The following GNPTAB variants were observed in gnomAD, a reference collection of about 807,000 sequenced individuals.
The protein encoded by GNPTAB is N-acetylglucosamine-1-phosphate transferase subunits alpha and beta, also known as N-acetylglucosamine-1-phosphotransferase subunits alpha/beta.
GNPTAB carries 92 observed loss-of-function variants against 136.6 expected under a neutral mutation model. That is an observed-to-expected ratio of 0.67 (90% CI 0.57 to 0.80). The LOEUF is 0.80. Ranked by LOEUF, GNPTAB falls within the 30% of genes least tolerant of loss-of-function variation. The pLI is 0.00. For missense variants in GNPTAB, 1,343 were observed against 1,501.8 expected, an observed-to-expected ratio of 0.89 and a Z score of 1.75; for synonymous variants, 512 against 535.1, an observed-to-expected ratio of 0.96 and a Z score of 0.60.
At chr12:101,817,354 A>G (rs1870561732) in intron 1 of GNPTAB, among the ~76,000 whole-genome samples, 1 of 148,726 alleles carries the variant, frequency 6.7e-6, no homozygotes, top group African/African-American at 2.5e-5. Flanking sequence ...TGTAGCCTCA[A>G]TCTCCTGGGC....
At chr12:101,792,711 G>T in intron 2 of GNPTAB, among the ~76,000 whole-genome samples, 1 of 152,118 alleles carries the variant, frequency 6.6e-6, no homozygotes, top group East Asian at 1.9e-4. Context: ...TGAACTGTAA[G>T]GAATCCTGAT....
intron 7 of GNPTAB, among the ~76,000 whole-genome samples, chr12:101,777,555 G>A (rs1218979087): frequency 3.3e-5 from 5 of 152,138 alleles, no homozygotes; most frequent in Admixed American, 2.0e-4. Flanking sequence ...TGGGAGAATG[G>A]CTGCTCTGTT....
Position 101,745,709 on chromosome 12 carries a change from G to T in GNPTAB, c.*1455C>A, listed in dbSNP as rs1478780533. On this transcript the variant is annotated 3_prime_UTR_variant, in exon 21 of 21. Transcript: ENST00000299314. ...CCATTGTATTATGACATAAAATATG[G>T]CTAGACGCCAAGGTTTAACCATACA... 1 of 152,112 alleles carries T rather than the reference G, an allele frequency of 6.6e-6. No individual in the cohort carries two copies. The highest frequency in any genetic ancestry group is 1.5e-5 in the Non-Finnish European group (1 of 68,016). 9.4% of individuals were successfully genotyped at this position (152,112 alleles called of 1,614,324 possible). A position where few individuals can be genotyped will look rare whatever the true frequency, so the allele number is the denominator to read the frequency against.
At chr12:101,763,503 C>T (rs1262555876) in intron 13 of GNPTAB, among the ~76,000 whole-genome samples, 6 of 152,106 alleles carry the variant, frequency 3.9e-5, no homozygotes, top group Non-Finnish European at 8.8e-5. Flanking sequence ...GTCCACAGGG[C>T]ACTTCCTTCT....
chr12:101,761,522 T>G lies in GNPTAB; in HGVS notation c.2915+42A>C, dbSNP rs768192010. On this transcript the variant is annotated intron_variant, in intron 14 of 20. Transcript: ENST00000299314. ...ATATGCACATTTCAAGTAGCCTTAG[T>G]TCTGAACACAAGCAAACAACTCAAA... 2.5e-6 allele frequency: 4 copies of G among 1,571,950 alleles called. No homozygotes were observed. In the East Asian group the frequency reaches 8.9e-5, roughly 35 times the overall value.
At chr12:101,798,482 G>A (rs1223512031) in intron 1 of GNPTAB, among the ~76,000 whole-genome samples, 4 of 152,136 alleles carry the variant, frequency 2.6e-5, no homozygotes, top group Non-Finnish European at 5.9e-5. Flanking sequence ...GAGACATCAT[G>A]GAAGCTGCAC....
intron 1 of GNPTAB, among the ~76,000 whole-genome samples, chr12:101,828,872 G>A (rs1039915499): frequency 6.6e-6 from 1 of 152,204 alleles, no homozygotes; most frequent in Non-Finnish European, 1.5e-5. Context: ...GTTAACATAT[G>A]TAAAGCAATT....
intron 19 of GNPTAB, among the ~76,000 whole-genome samples, chr12:101,750,495 C>G (rs1416510129): frequency 6.6e-6 from 1 of 152,242 alleles, no homozygotes; most frequent in Non-Finnish European, 1.5e-5. Flanking sequence ...ACTGCAAGAG[C>G]ACCCACACCT....
chr12:101,811,377 T>C (rs1033897924), intron 1 of GNPTAB, among the ~76,000 whole-genome samples: 4 of 87,218 alleles, frequency 4.6e-5, no homozygotes, highest in African/African-American at 3.0e-4. Context: ...TTTCACATAA[T>C]TTTTTCTTTT....
chr12:101,793,007 C>A (rs1476308056), intron 2 of GNPTAB, among the ~76,000 whole-genome samples: 1 of 152,148 alleles, frequency 6.6e-6, no homozygotes, highest in African/African-American at 2.4e-5. Flanking sequence ...ACTTTGGGAA[C>A]CACTGATTTA....
intron 1 of GNPTAB, among the ~76,000 whole-genome samples, chr12:101,822,821 G>C (rs1443691462): frequency 6.6e-6 from 1 of 152,192 alleles, no homozygotes; most frequent in Non-Finnish European, 1.5e-5. Flanking sequence ...ACAATACAAA[G>C]AGCCAGTGGA....
intron 1 of GNPTAB, among the ~76,000 whole-genome samples, chr12:101,821,277 G>T (rs1380452936): frequency 6.6e-6 from 1 of 152,176 alleles, no homozygotes; most frequent in Non-Finnish European, 1.5e-5. Context: ...ATCCCCAGGG[G>T]CCTGGTACAG....
intron 16 of GNPTAB, among the ~76,000 whole-genome samples, chr12:101,758,675 C>T (rs1035452499): frequency 2.0e-5 from 3 of 152,254 alleles, no homozygotes; most frequent in African/African-American, 7.2e-5. Flanking sequence ...AACTAATCTA[C>T]ACGTGATAGG....
chr12:101,812,743 A>T (rs1223951738), intron 1 of GNPTAB, among the ~76,000 whole-genome samples: 1 of 152,184 alleles, frequency 6.6e-6, no homozygotes, highest in Non-Finnish European at 1.5e-5. Context: ...TGGGTGACAG[A>T]GTAAGACCCT....
intron 10 of GNPTAB, among the ~76,000 whole-genome samples, chr12:101,769,232 A>G (rs914344453): frequency 6.6e-6 from 1 of 152,226 alleles, no homozygotes; most frequent in Non-Finnish European, 1.5e-5. Flanking sequence ...CCACTGCCCA[A>G]GGTCATCCTG....
chr12:101,785,850 G>T (rs998038092), intron 5 of GNPTAB, 162 bp downstream of exon 5: 2 of 629,684 alleles, frequency 3.2e-6, no homozygotes, highest in African/African-American at 1.8e-5. Flanking sequence ...CCTTTTTGAG[G>T]TTAAGGCCAA....
At chr12:101,760,215 T>G (rs1174331932) in intron 15 of GNPTAB, 72 bp from the exon 16 acceptor site, 1 of 967,060 alleles carries the variant, frequency 1.0e-6, no homozygotes, top group Non-Finnish European at 1.7e-6. Flanking sequence ...AAATAAAAAT[T>G]AAGTGAAAGC....
chr12:101,786,434 C>T (rs1025159969), intron 4 of GNPTAB, among the ~76,000 whole-genome samples: 1 of 152,198 alleles, frequency 6.6e-6, no homozygotes, highest in Non-Finnish European at 1.5e-5. Context: ...AGCTTTCAAA[C>T]TCCCATTAAT....
Position 101,768,165 on chromosome 12 carries a change from G to A in GNPTAB, c.1285-5C>T, listed in dbSNP as rs180741802. On this transcript the variant is annotated splice_region_variant and splice_polypyrimidine_tract_variant and intron_variant, in intron 10 of 20. Coordinates refer to ENST00000299314, the MANE Select transcript of GNPTAB (RefSeq NM_024312.5). ...CACAGGCCATGTCAAATAAACCTAC[G>A]ATAAAACCAAAGAGAAAATAAAATG... 2.0e-5 allele frequency: 32 copies of A among 1,613,904 alleles called. No homozygotes were observed. The East Asian group carries it at 2.5e-4, about 12-fold the overall frequency.
Sources: allele counts gnomAD v4.1 joint callset (sites outside exome capture counted in the v4.1 genomes callset), GRCh38; gene constraint gnomAD v4.1.1; transcripts MANE v1.5; gene names NCBI Gene and HGNC (gene_info 2026-07-23, HGNC 2026-07-21).